PAPSS2: variants seen among roughly 807,000 people sequenced by gnomAD.
PAPSS2 encodes the protein 3'-phosphoadenosine 5'-phosphosulfate synthase 2.
Under a neutral mutation model 66.5 loss-of-function variants are expected in PAPSS2, and 61 were observed. That is an observed-to-expected ratio of 0.92 (90% CI 0.75 to 1.14). The LOEUF is 1.14. Among genes scored for constraint, PAPSS2 ranks in the 50% most tolerant of loss-of-function variants. PAPSS2 has a pLI of 0.00. For synonymous variants in PAPSS2, 289 were observed against 287.5 expected, an observed-to-expected ratio of 1.01 and a Z score of -0.05; for missense variants, 708 against 789.6, an observed-to-expected ratio of 0.90 and a Z score of 1.24.
intron 1 of PAPSS2, among the ~76,000 whole-genome samples, chr10:87,686,367 C>T (rs1289043955): frequency 6.6e-6 from 1 of 151,000 alleles, no homozygotes; most frequent in East Asian, 1.9e-4. Context: ...AAAAGAGGCC[C>T]TTTTACCCAT....
At chr10:87,700,342 A>G (rs1853287334) in intron 1 of PAPSS2, among the ~76,000 whole-genome samples, 1 of 152,228 alleles carries the variant, frequency 6.6e-6, no homozygotes, top group Non-Finnish European at 1.5e-5. Flanking sequence ...ATGAACTAAA[A>G]TGGAAAATTT....
rs1384729745 is a variant in PAPSS2, at chr10:87,659,902, T to TGCTGCTGCC, written c.-75_-74insTGCCGCTGC. ...CAGCCGCTGCTGCTGCTGCTGCTGCTGCTGCCGCCGCCGCCGCCGCCGTCC... is the reference window on the plus strand; with the variant it reads ...CAGCCGCTGCTGCTGCTGCTGCTGCTGCTGCTGCCGCTGCCGCCGCCGCCGCCGCCGTCC... On this transcript the variant is annotated 5_prime_UTR_variant, in exon 1 of 13. Transcript: ENST00000456849. 4.1e-5 allele frequency: 60 copies of TGCTGCTGCC among 1,446,690 alleles called. No individual in the cohort carries two copies. The African/African-American group carries it at 7.5e-4, about 18-fold the overall frequency. The allele number at this position is 1,446,690 out of a possible 1,614,324, so 89.6% of individuals were successfully genotyped here. A position where few individuals can be genotyped will look rare whatever the true frequency, so the allele number is the denominator to read the frequency against.
chr10:87,663,317 G>A (rs1002694464), intron 1 of PAPSS2, among the ~76,000 whole-genome samples: 2 of 151,864 alleles, frequency 1.3e-5, no homozygotes, highest in African/African-American at 4.8e-5. Context: ...TTGCCACGTT[G>A]GTCAGGCTGG....
chr10:87,743,750 T>C, intron 11 of PAPSS2, 109 bp downstream of exon 11: 1 of 1,219,654 alleles, frequency 8.2e-7, no homozygotes, highest in Non-Finnish European at 1.2e-6. Flanking sequence ...ATGAGCAGAT[T>C]CTGGAATGTT....
intron 1 of PAPSS2, among the ~76,000 whole-genome samples, chr10:87,666,860 C>T (rs1463193438): frequency 1.3e-5 from 2 of 151,970 alleles, no homozygotes; most frequent in African/African-American, 2.4e-5. Context: ...TGGAGGAGCT[C>T]TGGGGGCTGC....
At chr10:87,708,612 C>G (rs1853423506) in intron 1 of PAPSS2, among the ~76,000 whole-genome samples, 1 of 152,106 alleles carries the variant, frequency 6.6e-6, no homozygotes, top group East Asian at 1.9e-4. Context: ...TGACATTCCT[C>G]TAAGGTGCAA....
At chr10:87,670,575 A>AGC (rs894169512) in intron 1 of PAPSS2, among the ~76,000 whole-genome samples, 35 of 114,108 alleles carry the variant, frequency 3.1e-4, no homozygotes, top group South Asian at 6.1e-4. Flanking sequence ...AAAAAGATGG[A>AGC]GCACACACAC....
chr10:87,685,341 T>G (rs1248637507), intron 1 of PAPSS2, among the ~76,000 whole-genome samples: 1 of 152,118 alleles, frequency 6.6e-6, no homozygotes, highest in Non-Finnish European at 1.5e-5. Flanking sequence ...CTGTATGGAG[T>G]CTTCTCTTTA....
intron 2 of PAPSS2, 110 bp downstream of exon 2, chr10:87,709,423 G>T (rs909710170): frequency 1.5e-6 from 1 of 676,540 alleles, no homozygotes; most frequent in Non-Finnish European, 2.7e-6. Flanking sequence ...TCATTAGAAG[G>T]AGGCTGGGAG....
chr10:87,685,251 C>T (rs1354077485), intron 1 of PAPSS2, among the ~76,000 whole-genome samples: 1 of 152,178 alleles, frequency 6.6e-6, no homozygotes. Context: ...AGGCTCTACT[C>T]TTTTCAAGCA....
chr10:87,730,969 A>G (rs1853720609), intron 9 of PAPSS2, among the ~76,000 whole-genome samples: 1 of 152,250 alleles, frequency 6.6e-6, no homozygotes, highest in African/African-American at 2.4e-5. Flanking sequence ...AGATCTAGCT[A>G]AGATCATTGA....
At chr10:87,736,581 A>G (rs1245759973) in intron 9 of PAPSS2, among the ~76,000 whole-genome samples, 1 of 151,926 alleles carries the variant, frequency 6.6e-6, no homozygotes, top group Admixed American at 6.6e-5. Flanking sequence ...TTTCTTTTTC[A>G]TTAGTTTCAC....
At chr10:87,734,072 A>C (rs12764439) in intron 9 of PAPSS2, among the ~76,000 whole-genome samples, 39,873 of 151,892 alleles carry the variant, frequency 0.26, 5,567 homozygotes, top group Middle Eastern at 0.3. Flanking sequence ...TTACTCCCCC[A>C]TAATCTCCCA....
In PAPSS2 at chr10:87,720,706, T is replaced by C. The variant is rs192364450; in HGVS notation, c.866-1050T>C. On this transcript the variant is annotated intron_variant, in intron 7 of 12. Coordinates refer to ENST00000456849, the MANE Select transcript of PAPSS2 (RefSeq NM_001015880.2). The stretch of plus-strand genomic sequence containing the variant: ...AAAGGTTTATATTTTCCCCTAAATT[T>C]AAAAATAAAATAGTTCTGTCTACTC... Among the ~76,000 whole-genome samples, 498 of 151,422 alleles carry C rather than the reference T, an allele frequency of 3.3e-3. 2 individuals carry two copies. Among genetic ancestry groups the C allele is most frequent in the African/African-American group, 0.011 (470 of 41,212 alleles).
At chr10:87,735,027 T>C (rs745479239) in intron 9 of PAPSS2, among the ~76,000 whole-genome samples, 14 of 152,126 alleles carry the variant, frequency 9.2e-5, no homozygotes, top group Non-Finnish European at 1.6e-4. Context: ...TGCATTCTTG[T>C]GTGTAATTTT....
intron 1 of PAPSS2, among the ~76,000 whole-genome samples, chr10:87,701,458 A>C: frequency 1.5e-5 from 2 of 135,446 alleles, no homozygotes; most frequent in Admixed American, 8.0e-5. Flanking sequence ...GTCTCACTCC[A>C]TTGCCAAGAC....
intron 1 of PAPSS2, among the ~76,000 whole-genome samples, chr10:87,670,915 G>A (rs1852868638): frequency 6.6e-6 from 1 of 152,156 alleles, no homozygotes; most frequent in South Asian, 2.1e-4. Context: ...ATTAATCCTT[G>A]TTGTCATAAT....
intron 1 of PAPSS2, among the ~76,000 whole-genome samples, chr10:87,685,544 A>G (rs1853077426): frequency 6.6e-6 from 1 of 152,142 alleles, no homozygotes; most frequent in South Asian, 2.1e-4. Flanking sequence ...TTAGCTGGGC[A>G]TGATGATGTA....
At chr10:87,732,309 C>G (rs1166227439) in intron 9 of PAPSS2, among the ~76,000 whole-genome samples, 1 of 152,066 alleles carries the variant, frequency 6.6e-6, no homozygotes, top group Non-Finnish European at 1.5e-5. Flanking sequence ...ATTGTTTCAG[C>G]CCAGGAGTTT....
Sources: gnomAD v4.1 joint callset for allele counts (sites outside exome capture counted in the v4.1 genomes callset) on GRCh38, gnomAD v4.1.1 for gene constraint, MANE v1.5 for transcripts, NCBI Gene and HGNC (gene_info 2026-07-23, HGNC 2026-07-21) for gene names.